The following SSH2 variants were observed in gnomAD, a reference collection of about 807,000 sequenced individuals.
SSH2 encodes protein phosphatase Slingshot homolog 2.
Under a neutral mutation model 135.2 loss-of-function variants are expected in SSH2, and 37 were observed. That is an observed-to-expected ratio of 0.27 (90% CI 0.21 to 0.36). The LOEUF is 0.36. Ranked by LOEUF, SSH2 falls within the 10% of genes least tolerant of loss-of-function variation. The pLI, the probability that SSH2 is intolerant of heterozygous loss-of-function variation, is 1.00. For synonymous variants in SSH2, 628 were observed against 646.2 expected (o/e 0.97, Z 0.43); for missense variants, 1,408 against 1,765.3 (o/e 0.80, Z 3.63).
intron 1 of SSH2, among the ~76,000 whole-genome samples, chr17:29,927,616 A>G (rs535145544): frequency 6.6e-6 from 1 of 152,334 alleles, no homozygotes; most frequent in South Asian, 2.1e-4. Context: ...TCATACAGCA[A>G]GAGATAGAAC....
intron 2 of SSH2, among the ~76,000 whole-genome samples, chr17:29,840,560 G>A (rs186671482): frequency 1.3e-5 from 2 of 152,310 alleles, no homozygotes; most frequent in Admixed American, 6.5e-5. Flanking sequence ...GTTGTCACAA[G>A]TTAGCCAAGC....
intron 11 of SSH2, among the ~76,000 whole-genome samples, chr17:29,662,062 A>G (rs2037069714): frequency 6.6e-6 from 1 of 152,234 alleles, no homozygotes; most frequent in African/African-American, 2.4e-5. Context: ...TGGTGACGTA[A>G]TTCTACCAGG....
intron 1 of SSH2, among the ~76,000 whole-genome samples, chr17:29,902,073 C>G (rs2066568358): frequency 1.3e-5 from 2 of 152,116 alleles, no homozygotes. Context: ...AGGCATAAAC[C>G]ACCCTGTCTG....
intron 3 of SSH2, 52 bp from the exon 4 acceptor site, chr17:29,703,114 G>C (rs1386225346): frequency 2.3e-6 from 3 of 1,285,972 alleles, no homozygotes; most frequent in Non-Finnish European, 3.4e-6. Flanking sequence ...GGAAATCAAA[G>C]AGTAGGATGG....
At chr17:29,807,916 T>C (rs747128743) in intron 2 of SSH2, among the ~76,000 whole-genome samples, 5 of 147,166 alleles carry the variant, frequency 3.4e-5, no homozygotes, top group African/African-American at 5.1e-5. Flanking sequence ...CCAAAGCCAG[T>C]GACACTGCTA....
intron 3 of SSH2, among the ~76,000 whole-genome samples, chr17:29,737,139 AAC>A (rs963595851): frequency 4.7e-5 from 7 of 150,378 alleles, no homozygotes; most frequent in South Asian, 2.1e-4. Context: ...TAATTTTTGT[AAC>A]AGTTAACAAT....
intron 2 of SSH2, among the ~76,000 whole-genome samples, chr17:29,827,068 T>C (rs1017755025): frequency 2.0e-5 from 3 of 152,184 alleles, no homozygotes; most frequent in African/African-American, 7.2e-5. Flanking sequence ...CTTGGTGTCA[T>C]ACTACAAATT....
At chr17:29,636,857 A>C (rs1437159027) in intron 14 of SSH2, 55 bp from the exon 15 acceptor site, 1 of 1,253,434 alleles carries the variant, frequency 8.0e-7, no homozygotes, top group African/African-American at 1.5e-5. Context: ...GATAATCAAC[A>C]CCCTCCCAGG....
At chr17:29,918,286 C>A (rs2066917883) in intron 1 of SSH2, among the ~76,000 whole-genome samples, 1 of 152,238 alleles carries the variant, frequency 6.6e-6, no homozygotes, top group African/African-American at 2.4e-5. Flanking sequence ...CTGACTCTGA[C>A]AAAGTTCAAA....
chr17:29,692,603 T>C (rs2038535237), intron 5 of SSH2, among the ~76,000 whole-genome samples: 1 of 152,230 alleles, frequency 6.6e-6, no homozygotes, highest in Non-Finnish European at 1.5e-5. Context: ...TTTTAATATT[T>C]AGAGGTTCAA....
chr17:29,654,263 C>T (rs1342715700), intron 12 of SSH2, among the ~76,000 whole-genome samples: 1 of 152,186 alleles, frequency 6.6e-6, no homozygotes, highest in Admixed American at 6.5e-5. Context: ...AAGATACAGT[C>T]TCTGCCTTGA....
At chr17:29,694,838 C>A (rs983163849) in intron 5 of SSH2, among the ~76,000 whole-genome samples, 6 of 152,140 alleles carry the variant, frequency 3.9e-5, no homozygotes, top group Admixed American at 3.9e-4. Context: ...TATTTGCCTG[C>A]CTTGTTTTCT....
chr17:29,707,028 C>CTTG, intron 3 of SSH2: 1 of 152,262 alleles, frequency 6.6e-6, no homozygotes, highest in Non-Finnish European at 1.5e-5. Flanking sequence ...GTGGCGGGCG[C>CTTG]TTGTAGTCCC....
chr17:29,827,916 A>G (rs1423425808), intron 2 of SSH2, among the ~76,000 whole-genome samples: 1 of 152,168 alleles, frequency 6.6e-6, no homozygotes, highest in Non-Finnish European at 1.5e-5. Flanking sequence ...ATAATTACAT[A>G]TGATAGAACC....
At position 29,930,188 on chromosome 17, in the gene SSH2, A is replaced by G. The variant is rs940043855; in HGVS notation, c.-188T>C. 5.2e-6 allele frequency: 3 copies of G among 579,196 alleles called. No homozygotes were observed. Among genetic ancestry groups the G allele is most frequent in the East Asian group, 3.1e-5 (1 of 32,488 alleles). The allele number at this position is 579,196 out of a possible 1,614,324, so 35.9% of individuals were successfully genotyped here. A position where few individuals can be genotyped will look rare whatever the true frequency, so the allele number is the denominator to read the frequency against. ...AGACTGTCGCCGACTGACGCTCCGAACGGGCGGCGGGCGGGCGGTTCCGCA... is the reference window on the plus strand; with the variant it reads ...AGACTGTCGCCGACTGACGCTCCGAGCGGGCGGCGGGCGGGCGGTTCCGCA... On this transcript the variant is annotated 5_prime_UTR_variant, in exon 1 of 16. Transcript: ENST00000540801.
At chr17:29,845,446 G>C (rs1312275134) in intron 2 of SSH2, among the ~76,000 whole-genome samples, 5 of 152,114 alleles carry the variant, frequency 3.3e-5, no homozygotes, top group African/African-American at 1.2e-4. Flanking sequence ...ACAGGAGGAG[G>C]ATCTAACACC....
intron 1 of SSH2, among the ~76,000 whole-genome samples, chr17:29,901,913 A>G (rs1831875036): frequency 6.6e-6 from 1 of 152,080 alleles, no homozygotes; most frequent in South Asian, 2.1e-4. Context: ...CCTCTCAAGT[A>G]GTAAGACTAT....
chr17:29,740,428 T>C (rs2040516101), intron 3 of SSH2, among the ~76,000 whole-genome samples: 1 of 144,686 alleles, frequency 6.9e-6, no homozygotes, highest in Non-Finnish European at 1.5e-5. Flanking sequence ...TCTATTCTTT[T>C]TCTTTTATTT....
intron 2 of SSH2, among the ~76,000 whole-genome samples, chr17:29,822,317 T>A (rs1317608908): frequency 6.6e-6 from 1 of 152,152 alleles, no homozygotes; most frequent in Admixed American, 6.5e-5. Context: ...ACTGTTAAAA[T>A]GATGTCATAT....
Sources: gnomAD v4.1 joint callset for allele counts (sites outside exome capture counted in the v4.1 genomes callset) on GRCh38, gnomAD v4.1.1 for gene constraint, MANE v1.5 for transcripts, NCBI Gene and HGNC (gene_info 2026-07-23, HGNC 2026-07-21) for gene names.